Variants in SGCZ observed in about 807,000 individuals in gnomAD.
The protein encoded by SGCZ is zeta-sarcoglycan.
A neutral mutation model predicts 41.3 loss-of-function variants in SGCZ; 40 were observed. That is an observed-to-expected ratio of 0.97 (90% CI 0.75 to 1.26). SGCZ has a LOEUF of 1.26. SGCZ is among the 50% of genes most tolerant of loss of function. The pLI is 0.00. For synonymous variants in SGCZ, 206 were observed against 137.5 expected (o/e 1.50, Z -3.49); for missense variants, 552 against 369.8 (o/e 1.49, Z -4.04).
intron 1 of SGCZ, among the ~76,000 whole-genome samples, chr8:14,702,805 GTAGTTAGGTAGATAGATAGATAGA>G (rs1425517128): frequency 2.2e-5 from 3 of 135,166 alleles, no homozygotes; most frequent in African/African-American, 8.1e-5. Flanking sequence ...AGACAGGTAG[GTAGTTAGGTAGATAGATAGATAGA>G]TAGATAGATA....
intron 3 of SGCZ, among the ~76,000 whole-genome samples, chr8:14,288,380 G>A (rs1289175163): frequency 1.3e-5 from 2 of 152,010 alleles, no homozygotes; most frequent in South Asian, 2.1e-4. Context: ...TCAAGTTCCG[G>A]AAATTCTTCA....
intron 1 of SGCZ, among the ~76,000 whole-genome samples, chr8:14,603,203 C>CT (rs946344871): frequency 1.4e-4 from 21 of 152,154 alleles, no homozygotes; most frequent in South Asian, 4.2e-4. Flanking sequence ...AAATAAACGG[C>CT]TTTTTTGATC....
At chr8:14,582,599 T>C (rs1006691675) in intron 1 of SGCZ, among the ~76,000 whole-genome samples, 6 of 148,780 alleles carry the variant, frequency 4.0e-5, no homozygotes, top group African/African-American at 1.3e-4. Context: ...CATGCTGGTG[T>C]GCTGCCCATT....
intron 1 of SGCZ, among the ~76,000 whole-genome samples, chr8:15,061,858 T>C (rs1306910450): frequency 6.6e-6 from 1 of 152,184 alleles, no homozygotes; most frequent in African/African-American, 2.4e-5. Flanking sequence ...ACCCTACAAG[T>C]TGTTCAAGTT....
chr8:14,267,604 G>C (rs943957316), intron 3 of SGCZ, among the ~76,000 whole-genome samples: 1 of 151,974 alleles, frequency 6.6e-6, no homozygotes, highest in South Asian at 2.1e-4. Flanking sequence ...TCACTGCTAC[G>C]ATATTTTTGT....
intron 2 of SGCZ, among the ~76,000 whole-genome samples, chr8:14,526,604 T>C (rs1179445758): frequency 6.6e-6 from 1 of 152,136 alleles, no homozygotes; most frequent in Non-Finnish European, 1.5e-5. Context: ...AAAAAATACA[T>C]ATCTATTTTT....
At chr8:14,740,917 G>C (rs1419077669) in intron 1 of SGCZ, among the ~76,000 whole-genome samples, 1 of 151,878 alleles carries the variant, frequency 6.6e-6, no homozygotes, top group African/African-American at 2.4e-5. Flanking sequence ...AAGATGACAT[G>C]GATAACTCAG....
rs191148710 is a variant in SGCZ at position 14,522,805 on chromosome 8, T to G, written c.234+31927A>C. 6.6e-5 allele frequency among the ~76,000 whole-genome samples: 10 copies of G among 151,964 alleles called. No homozygotes were observed. In the East Asian group the frequency reaches 1.9e-3, roughly 29 times the overall value. ...CCTCTTCATTTCTAGAATCCTGAGA[T>G]AGGAGCTGAAATTATTCATATGGGA... On this transcript the variant is annotated intron_variant, in intron 2 of 7. Transcript: ENST00000382080.
intron 3 of SGCZ, among the ~76,000 whole-genome samples, chr8:14,257,905 G>T (rs1799520240): frequency 1.3e-5 from 2 of 152,110 alleles, no homozygotes; most frequent in Admixed American, 1.3e-4. Flanking sequence ...AAACTGGAAA[G>T]ATATAGATAT....
At chr8:14,991,316 C>A (rs931306891) in intron 1 of SGCZ, among the ~76,000 whole-genome samples, 7 of 152,106 alleles carry the variant, frequency 4.6e-5, no homozygotes, top group Middle Eastern at 3.2e-3. Flanking sequence ...CAAGCAGCAT[C>A]AGCACCACCA....
chr8:14,790,919 C>T (rs573076997), intron 1 of SGCZ, among the ~76,000 whole-genome samples: 1 of 151,472 alleles, frequency 6.6e-6, no homozygotes, highest in Admixed American at 6.6e-5. Context: ...TAATCCTACC[C>T]ACTCGAGTGG....
chr8:14,389,207 G>C (rs1804674382), intron 2 of SGCZ, among the ~76,000 whole-genome samples: 1 of 151,838 alleles, frequency 6.6e-6, no homozygotes, highest in Non-Finnish European at 1.5e-5. Context: ...CAGAGATATA[G>C]AGACATATTA....
chr8:14,827,225 T>C (rs1260095265), intron 1 of SGCZ, among the ~76,000 whole-genome samples: 1 of 146,004 alleles, frequency 6.8e-6, no homozygotes, highest in African/African-American at 2.5e-5. Context: ...TATCACATTT[T>C]CTTTTCTTTT....
intron 5 of SGCZ, among the ~76,000 whole-genome samples, chr8:14,124,574 A>G (rs1802795782): frequency 1.3e-5 from 2 of 152,184 alleles, no homozygotes; most frequent in Admixed American, 1.3e-4. Context: ...GTTTTACCAA[A>G]TTGATTATAA....
At chr8:14,440,832 CAT>C (rs1195928905) in intron 2 of SGCZ, among the ~76,000 whole-genome samples, 4 of 143,376 alleles carry the variant, frequency 2.8e-5, no homozygotes, top group South Asian at 2.2e-4. Context: ...TATATACATA[CAT>C]ATATGTGTAC....
At chr8:14,913,437 A>G (rs1799335800) in intron 1 of SGCZ, among the ~76,000 whole-genome samples, 1 of 152,056 alleles carries the variant, frequency 6.6e-6, no homozygotes, top group Non-Finnish European at 1.5e-5. Flanking sequence ...ATTTTTCCAT[A>G]AGAGCTATGA....
intron 1 of SGCZ, among the ~76,000 whole-genome samples, chr8:14,772,935 A>G (rs1428068560): frequency 1.3e-5 from 2 of 152,090 alleles, no homozygotes; most frequent in Non-Finnish European, 2.9e-5. Flanking sequence ...TCCTTTGGGT[A>G]TATACCCAGT....
intron 1 of SGCZ, among the ~76,000 whole-genome samples, chr8:15,101,078 C>A (rs575175609): frequency 4.6e-5 from 7 of 152,026 alleles, no homozygotes; most frequent in Non-Finnish European, 8.8e-5. Context: ...TCTAGACATA[C>A]GACTTATACT....
chr8:15,189,007 C>T (rs978253937), intron 1 of SGCZ, among the ~76,000 whole-genome samples: 4 of 152,124 alleles, frequency 2.6e-5, no homozygotes, highest in Non-Finnish European at 4.4e-5. Flanking sequence ...AATAGATATG[C>T]TCACAGAGAT....
Sources: gnomAD v4.1 joint callset for allele counts (sites outside exome capture counted in the v4.1 genomes callset) on GRCh38, gnomAD v4.1.1 for gene constraint, MANE v1.5 for transcripts, NCBI Gene and HGNC (gene_info 2026-07-23, HGNC 2026-07-21) for gene names.